Variants in GNG12 observed in about 807,000 individuals in gnomAD.
GNG12 encodes guanine nucleotide-binding protein G(I)/G(S)/G(O) subunit gamma-12.
For missense variants in GNG12, 69 were observed against 83.8 expected (o/e 0.82, Z 0.69); for synonymous variants, 28 against 29.7 (o/e 0.94, Z 0.19).
intron 1 of GNG12, among the ~76,000 whole-genome samples, chr1:67,831,622 CG>C (rs1292899724): frequency 6.6e-6 from 1 of 152,060 alleles, no homozygotes; most frequent in Non-Finnish European, 1.5e-5. Flanking sequence ...CAGGGCTTTA[CG>C]GCGCTGGTTA....
chr1:67,701,523 G>A lies in GNG12; in HGVS notation c.*3928C>T, dbSNP rs1009580482. Reference sequence around the variant, plus strand: ...CAAAACACAAGTAGGATGATACAATGAGGCACTGACGCAGTACAGAAAGCA... The same window carrying A: ...CAAAACACAAGTAGGATGATACAATAAGGCACTGACGCAGTACAGAAAGCA... On this transcript the variant is annotated 3_prime_UTR_variant, in exon 4 of 4. Transcript: ENST00000370982. The A allele has an allele frequency of 3.3e-5, 5 of 152,624 alleles. No individual in the cohort carries two copies. The highest frequency in any genetic ancestry group is 9.7e-5 in the African/African-American group (4 of 41,450). 9.5% of individuals were successfully genotyped at this position (152,624 alleles called of 1,614,324 possible).
At chr1:67,826,251 C>T (rs1647009844) in intron 1 of GNG12, among the ~76,000 whole-genome samples, 1 of 152,212 alleles carries the variant, frequency 6.6e-6, no homozygotes, top group African/African-American at 2.4e-5. Context: ...GGCATTCCTT[C>T]CATGTACACC....
chr1:67,792,739 T>C (rs1389222011), intron 1 of GNG12, among the ~76,000 whole-genome samples: 1 of 152,196 alleles, frequency 6.6e-6, no homozygotes, highest in African/African-American at 2.4e-5. Flanking sequence ...TTTTGTTGTA[T>C]GGTTCCATGC....
At chr1:67,824,509 C>CGAA (rs763653122) in intron 1 of GNG12, among the ~76,000 whole-genome samples, 3 of 94,174 alleles carry the variant, frequency 3.2e-5, no homozygotes, top group Non-Finnish European at 6.1e-5. Context: ...GATCCTGTCT[C>CGAA]AAAAAAAAAA....
chr1:67,822,815 A>G (rs1646991712), intron 1 of GNG12, among the ~76,000 whole-genome samples: 1 of 152,198 alleles, frequency 6.6e-6, no homozygotes, highest in Non-Finnish European at 1.5e-5. Flanking sequence ...TTCCAAAAAC[A>G]AAGCCACTGC....
At chr1:67,803,067 A>C (rs1646875505) in intron 1 of GNG12, among the ~76,000 whole-genome samples, 1 of 152,218 alleles carries the variant, frequency 6.6e-6, no homozygotes. Flanking sequence ...CCTTGGAGGG[A>C]CATTGCCCCC....
At chr1:67,774,936 T>G (rs967732921) in intron 2 of GNG12, among the ~76,000 whole-genome samples, 1 of 152,182 alleles carries the variant, frequency 6.6e-6, no homozygotes, top group African/African-American at 2.4e-5. Flanking sequence ...TTCTTGTAAA[T>G]CTCAAGTAAT....
intron 2 of GNG12, among the ~76,000 whole-genome samples, chr1:67,726,519 G>C (rs1485334035): frequency 1.3e-5 from 2 of 152,242 alleles, no homozygotes; most frequent in Non-Finnish European, 2.9e-5. Flanking sequence ...ATCTGTGGCA[G>C]TGCTTTAGTT....
chr1:67,809,946 C>T (rs909453040), intron 1 of GNG12, among the ~76,000 whole-genome samples: 3 of 152,154 alleles, frequency 2.0e-5, no homozygotes, highest in African/African-American at 4.8e-5. Flanking sequence ...AAACTGAAGA[C>T]ATATGCCCGA....
intron 2 of GNG12, among the ~76,000 whole-genome samples, chr1:67,736,406 C>A (rs1028368241): frequency 6.6e-6 from 1 of 152,160 alleles, no homozygotes; most frequent in East Asian, 1.9e-4. Flanking sequence ...GTTCCAGAAC[C>A]CACACCACAG....
At chr1:67,755,324 G>A (rs183061516) in intron 2 of GNG12, among the ~76,000 whole-genome samples, 1 of 152,172 alleles carries the variant, frequency 6.6e-6, no homozygotes, top group African/African-American at 2.4e-5. Flanking sequence ...CTGTTACTTG[G>A]AGCTCAAACA....
chr1:67,799,665 G>A (rs1016584825), intron 1 of GNG12, among the ~76,000 whole-genome samples: 1 of 152,036 alleles, frequency 6.6e-6, no homozygotes, highest in Non-Finnish European at 1.5e-5. Context: ...TCAATTACTA[G>A]CTTAATCTGA....
chr1:67,756,390 C>T (rs1341830314), intron 2 of GNG12, among the ~76,000 whole-genome samples: 1 of 152,180 alleles, frequency 6.6e-6, no homozygotes, highest in African/African-American at 2.4e-5. Flanking sequence ...TGAGGGGCTG[C>T]TACAGTAATT....
intron 1 of GNG12, among the ~76,000 whole-genome samples, chr1:67,783,226 T>C (rs531350598): frequency 6.6e-6 from 1 of 152,334 alleles, no homozygotes; most frequent in African/African-American, 2.4e-5. Context: ...AGCCACAATT[T>C]CCTAAATCAA....
intron 1 of GNG12, among the ~76,000 whole-genome samples, chr1:67,796,711 C>T (rs1054292900): frequency 6.6e-6 from 1 of 151,990 alleles, no homozygotes; most frequent in African/African-American, 2.4e-5. Context: ...ACTTAATGGC[C>T]AATATTTTGC....
rs368797383 is a variant in GNG12, at chr1:67,735,715, T to A, written c.-26-28003A>T. On this transcript the variant is annotated intron_variant, in intron 2 of 3. Coordinates refer to ENST00000370982, the MANE Select transcript of GNG12 (RefSeq NM_018841.6). Reference sequence around the variant, plus strand: ...AGGGGCAGAGAATCACTGTAAATACTATAATTTCTGAGTGATCTTCACTAA... The same window carrying A: ...AGGGGCAGAGAATCACTGTAAATACAATAATTTCTGAGTGATCTTCACTAA... Among the ~76,000 whole-genome samples, 7 of 152,356 alleles carry A rather than the reference T, an allele frequency of 4.6e-5. 1 individual carries two copies. The highest frequency in any genetic ancestry group is 1.2e-4 in the African/African-American group (5 of 41,580).
chr1:67,816,418 A>G (rs1465550601), intron 1 of GNG12, among the ~76,000 whole-genome samples: 1 of 152,218 alleles, frequency 6.6e-6, no homozygotes, highest in Non-Finnish European at 1.5e-5. Flanking sequence ...CTCTTTGGAT[A>G]TGCGTGCAAG....
At chr1:67,713,978 G>T (rs1310290896) in intron 2 of GNG12, among the ~76,000 whole-genome samples, 2 of 152,218 alleles carry the variant, frequency 1.3e-5, no homozygotes, top group South Asian at 4.1e-4. Context: ...TACTGAGTAG[G>T]CAGAGTTAGG....
At chr1:67,749,658 A>T (rs1394582710) in intron 2 of GNG12, among the ~76,000 whole-genome samples, 1 of 152,186 alleles carries the variant, frequency 6.6e-6, no homozygotes, top group African/African-American at 2.4e-5. Flanking sequence ...GGAGCCTCCA[A>T]TCAGGACAGA....
Sources: allele counts gnomAD v4.1 joint callset (sites outside exome capture counted in the v4.1 genomes callset), GRCh38; gene constraint gnomAD v4.1.1; transcripts MANE v1.5; gene names NCBI Gene and HGNC (gene_info 2026-07-23, HGNC 2026-07-21).